Variants in MRPL21 observed in about 807,000 individuals in gnomAD.
MRPL21 encodes large ribosomal subunit protein bL21m.
In MRPL21, 20 loss-of-function variants were observed where a neutral mutation model predicts 27.3. That is an observed-to-expected ratio of 0.73 (90% CI 0.52 to 1.06). MRPL21 has a LOEUF of 1.06. MRPL21 is among the 50% of genes least tolerant of loss of function. The probability of loss-of-function intolerance (pLI) is 0.00; values close to 1 mark genes in which losing one functional copy is unlikely to be tolerated. For synonymous variants in MRPL21, 98 were observed against 101.5 expected, an observed-to-expected ratio of 0.97 and a Z score of 0.21; for missense variants, 249 against 251.4, an observed-to-expected ratio of 0.99 and a Z score of 0.06.
rs137864766 is a variant in MRPL21, at chr11:68,900,585, G to C, written c.109C>G (p.Arg37Gly). ...GAAGTGCTCTGTGAATTGAACCTTC[G>C]AGAAGCAGACCAAAGGGAGGCTGAG... ...PGAASLWSASRRFNSQSTSYL... is the reference protein window; with the variant it reads ...PGAASLWSASGRFNSQSTSYL... The change falls in exon 2 of 7, where the codon CGA becomes GGA. Residue 37 changes from arginine to glycine, a missense_variant. By Grantham distance (125) the Arg-to-Gly change is moderately radical (BLOSUM62 -2). Coordinates refer to ENST00000362034, the MANE Select transcript of MRPL21 (RefSeq NM_181514.2). The C allele has an allele frequency of 2.5e-6, 4 of 1,613,828 alleles. No homozygotes were observed. The highest frequency in any genetic ancestry group is 2.7e-5 in the African/African-American group (2 of 75,020).
At chr11:68,898,207 T>C (rs529702019) in intron 2 of MRPL21, among the ~76,000 whole-genome samples, 195 bp from the exon 3 acceptor site, 2 of 152,298 alleles carry the variant, frequency 1.3e-5, no homozygotes. Flanking sequence ...CAGGGAACAA[T>C]GGCTCATCAT....
Position 68,898,029 on chromosome 11 carries a change from G to A in MRPL21, c.147-17C>T, listed in dbSNP as rs189011046. The A allele has an allele frequency of 9.4e-6, 15 of 1,596,034 alleles. No homozygotes were observed. Among genetic ancestry groups the A allele is most frequent in the Admixed American group, 1.7e-5 (1 of 59,928 alleles). On this transcript the variant is annotated splice_polypyrimidine_tract_variant and intron_variant, in intron 2 of 6. Coordinates refer to ENST00000362034, the MANE Select transcript of MRPL21 (RefSeq NM_181514.2). ...GGAACATATCTGTAAAACACATTTC[G>A]TAGACAAATGTCACAAGCACCTGAA...
At position 68,897,942 on chromosome 11, in the gene MRPL21, TCTC is replaced by T. The variant is rs759704609; in HGVS notation, c.214_216del (p.Glu72del). ...GAGGTCTTACCTGCATGGTGTCTGG[TCTC>T]CTCAACTGGGTCTGGCAGAACAACT... On this transcript the variant is annotated inframe_deletion, in exon 3 of 7. Transcript: ENST00000362034. 39 of 1,613,868 alleles carry T rather than the reference TCTC, an allele frequency of 2.4e-5. No individual in the cohort carries two copies. Among genetic ancestry groups the T allele is most frequent in the Non-Finnish European group, 3.2e-5 (38 of 1,179,936 alleles).
At chr11:68,903,364 T>TG (rs1253414894) in intron 1 of MRPL21, among the ~76,000 whole-genome samples, 2 of 152,142 alleles carry the variant, frequency 1.3e-5, no homozygotes, top group African/African-American at 4.8e-5. Flanking sequence ...GCTCGCAGCC[T>TG]GGGGGCAGTG....
intron 1 of MRPL21, among the ~76,000 whole-genome samples, chr11:68,902,222 G>A (rs1000309507): frequency 5.3e-5 from 8 of 152,168 alleles, no homozygotes; most frequent in African/African-American, 1.7e-4. Flanking sequence ...CTCCTAATGC[G>A]TGAGTCTGTA....
intron 1 of MRPL21, among the ~76,000 whole-genome samples, chr11:68,900,810 C>G (rs906994828): frequency 3.3e-5 from 5 of 152,246 alleles, no homozygotes; most frequent in African/African-American, 1.2e-4. Flanking sequence ...CAGTTAGCCA[C>G]ATCATCTACA....
chr11:68,897,830 T>G (rs1043987734), intron 3 of MRPL21, 97 bp downstream of exon 3: 2 of 874,546 alleles, frequency 2.3e-6, no homozygotes, highest in Admixed American at 2.1e-5. Flanking sequence ...TCTGGAAACA[T>G]GAAGCCTCGT....
chr11:68,903,280 C>T (rs150185361), intron 1 of MRPL21, among the ~76,000 whole-genome samples: 1,524 of 152,312 alleles, frequency 0.01, 9 homozygotes, highest in Middle Eastern at 0.02. Flanking sequence ...CAGCCCAGCG[C>T]CTTAAATACG....
chr11:68,900,306 T>C (rs1158181597), intron 2 of MRPL21, among the ~76,000 whole-genome samples: 2 of 152,118 alleles, frequency 1.3e-5, no homozygotes, highest in African/African-American at 2.4e-5. Flanking sequence ...GTCAAAAAAG[T>C]TAAAGCTGAA....
chr11:68,891,517 T>C (rs1294703330), intron 6 of MRPL21, 122 bp from the exon 7 acceptor site: 1 of 911,746 alleles, frequency 1.1e-6, no homozygotes, highest in Non-Finnish European at 1.8e-6. Flanking sequence ...CTGCTGCACA[T>C]GGCCGTGTTT....
intron 2 of MRPL21, 105 bp downstream of exon 2, chr11:68,900,443 A>C: frequency 7.7e-6 from 8 of 1,041,070 alleles, no homozygotes; most frequent in Non-Finnish European, 1.0e-5. Context: ...CAAAAGAGGA[A>C]ATTTAAATAT....
rs1857639593 is a variant in MRPL21 at position 68,891,291 on chromosome 11, G to A, written c.*40C>T. Reference sequence around the variant, plus strand: ...AGAAACCTGGTCTCCTTGGGAAGCAGGAGTTTATTTTTATCCTTTTGTAAG... The same window carrying A: ...AGAAACCTGGTCTCCTTGGGAAGCAAGAGTTTATTTTTATCCTTTTGTAAG... On this transcript the variant is annotated 3_prime_UTR_variant, in exon 7 of 7. Coordinates refer to ENST00000362034, the MANE Select transcript of MRPL21 (RefSeq NM_181514.2). 1 of 1,593,712 alleles carries A rather than the reference G, an allele frequency of 6.3e-7. No homozygotes were observed. Among genetic ancestry groups the A allele is most frequent in the African/African-American group, 1.3e-5 (1 of 74,498 alleles).
chr11:68,898,111 C>G, intron 2 of MRPL21, 99 bp from the exon 3 acceptor site: 1 of 1,013,576 alleles, frequency 9.9e-7, no homozygotes, highest in Admixed American at 2.0e-5. Context: ...AAGGGATCCC[C>G]GGCAACAAAA....
At chr11:68,902,020 T>C (rs1272173746) in intron 1 of MRPL21, among the ~76,000 whole-genome samples, 1 of 152,210 alleles carries the variant, frequency 6.6e-6, no homozygotes, top group Non-Finnish European at 1.5e-5. Context: ...CTGTACCTAA[T>C]TTGCTTCTAG....
Position 68,900,419 on chromosome 11 carries a change from C to A in MRPL21, c.146+129G>T, listed in dbSNP as rs1416994037. ...CCAGTCTGGGAAACATAGTGAAACTCTGTCTCTTAAAAACAAAAGAGGAAA... is the reference window on the plus strand; with the variant it reads ...CCAGTCTGGGAAACATAGTGAAACTATGTCTCTTAAAAACAAAAGAGGAAA... On this transcript the variant is annotated intron_variant, in intron 2 of 6. Coordinates refer to ENST00000362034, the MANE Select transcript of MRPL21 (RefSeq NM_181514.2). 13 of 922,380 alleles carry A rather than the reference C, an allele frequency of 1.4e-5. No individual in the cohort carries two copies. The East Asian group carries it at 3.3e-4, about 23-fold the overall frequency. The allele number at this position is 922,380 out of a possible 1,614,324, so 57.1% of individuals were successfully genotyped here. A position where few individuals can be genotyped will look rare whatever the true frequency, so the allele number is the denominator to read the frequency against.
rs765147530 is a variant in MRPL21, at chr11:68,903,792, T to G, written c.19A>C (p.Thr7Pro). Reference sequence around the variant, plus strand: ...GACGCCAGCCGCCCTAAGGTGACCGTCAGGGAAGATGCTGCCATGGCCGCA... The same window carrying G: ...GACGCCAGCCGCCCTAAGGTGACCGGCAGGGAAGATGCTGCCATGGCCGCA... MAASSL[T>P]VTLGRLASAC... Residue 7 changes from threonine to proline, a missense_variant, in exon 1 of 7, where the codon ACG becomes CCG. By Grantham distance (38) the Thr-to-Pro change is conservative. Transcript: ENST00000362034. 2.6e-6 allele frequency: 4 copies of G among 1,552,088 alleles called. No homozygotes were observed. The Middle Eastern group carries it at 5.1e-4, about 199-fold the overall frequency.
In MRPL21 at chr11:68,891,396, C is replaced by G. The variant is rs944703901; in HGVS notation, c.554-1G>C. On this transcript the variant is annotated splice_acceptor_variant, in intron 6 of 6. Transcript: ENST00000362034. LOFTEE classifies it high-confidence loss of function. The stretch of plus-strand genomic sequence containing the variant: ...AGGACAGTCTGCGGGGTCGTGACGA[C>G]TGAAAGAAAGGATGTCACAGGCTTG... The G allele has an allele frequency of 6.2e-7, 1 of 1,614,008 alleles. No individual in the cohort carries two copies. Among genetic ancestry groups the G allele is most frequent in the Non-Finnish European group, 8.5e-7 (1 of 1,180,010 alleles).
chr11:68,896,413 G>C (rs1857788085), intron 4 of MRPL21, 102 bp downstream of exon 4: 1 of 1,423,778 alleles, frequency 7.0e-7, no homozygotes, highest in Non-Finnish European at 9.7e-7. Context: ...CTCCACCTGA[G>C]ACGGGGTCGG....
chr11:68,896,945 G>A (rs1027136799), intron 3 of MRPL21: 6 of 522,972 alleles, frequency 1.1e-5, no homozygotes, highest in South Asian at 2.7e-5. Flanking sequence ...TGCAGAGAAC[G>A]CCCAAACCGC....
Sources: allele counts gnomAD v4.1 joint callset (sites outside exome capture counted in the v4.1 genomes callset), GRCh38; gene constraint gnomAD v4.1.1; transcripts MANE v1.5; gene names NCBI Gene and HGNC (gene_info 2026-07-23, HGNC 2026-07-21).